PTPRT: variants seen among roughly 807,000 people sequenced by gnomAD.
PTPRT encodes receptor-type tyrosine-protein phosphatase T.
PTPRT carries 56 observed loss-of-function variants against 176.8 expected under a neutral mutation model. The ratio of observed to expected loss-of-function variants is 0.32; its 90% confidence interval spans 0.26 to 0.40. The LOEUF is 0.40. Ranked by LOEUF, PTPRT falls within the 10% of genes least tolerant of loss-of-function variation. The pLI is 1.00. For synonymous variants in PTPRT, 783 were observed against 739.0 expected, an observed-to-expected ratio of 1.06 and a Z score of -0.96; for missense variants, 1,540 against 1,908.2, an observed-to-expected ratio of 0.81 and a Z score of 3.60.
chr20:42,829,180 G>C (rs2078047476), intron 2 of PTPRT, among the ~76,000 whole-genome samples: 1 of 151,944 alleles, frequency 6.6e-6, no homozygotes, highest in Non-Finnish European at 1.5e-5. Context: ...TTATTTTGGA[G>C]CTTTAAGATT....
At chr20:42,176,846 A>G (rs1403320371) in intron 16 of PTPRT, among the ~76,000 whole-genome samples, 1 of 152,244 alleles carries the variant, frequency 6.6e-6, no homozygotes, top group Non-Finnish European at 1.5e-5. Flanking sequence ...TGAAATTTAA[A>G]TGTGCAACAG....
At chr20:42,090,803 C>A (rs1984536171) in intron 27 of PTPRT, among the ~76,000 whole-genome samples, 1 of 152,204 alleles carries the variant, frequency 6.6e-6, no homozygotes, top group Non-Finnish European at 1.5e-5. Context: ...GACCTAAAGG[C>A]CACACTTACC....
At chr20:42,485,547 G>A (rs140821822) in intron 7 of PTPRT, among the ~76,000 whole-genome samples, 184 of 152,272 alleles carry the variant, frequency 1.2e-3, no homozygotes, top group Middle Eastern at 3.4e-3. Context: ...ACAAACAAAA[G>A]TAATATCTCC....
At chr20:42,717,377 T>G (rs967111405) in intron 6 of PTPRT, among the ~76,000 whole-genome samples, 1 of 152,048 alleles carries the variant, frequency 6.6e-6, no homozygotes, top group Non-Finnish European at 1.5e-5. Flanking sequence ...ACACCTGATA[T>G]ATTATAAAGG....
At chr20:42,903,252 A>G (rs1439392139) in intron 1 of PTPRT, among the ~76,000 whole-genome samples, 2 of 152,228 alleles carry the variant, frequency 1.3e-5, no homozygotes, top group Non-Finnish European at 2.9e-5. Flanking sequence ...TTTTAAAGAT[A>G]AATAAACTGA....
At chr20:42,514,124 G>T (rs192728025) in intron 7 of PTPRT, among the ~76,000 whole-genome samples, 41 of 152,166 alleles carry the variant, frequency 2.7e-4, no homozygotes, top group Admixed American at 2.3e-3. Flanking sequence ...GATAAACATG[G>T]GTTTATTTAG....
At chr20:42,814,348 G>A (rs1281075469) in intron 2 of PTPRT, among the ~76,000 whole-genome samples, 2 of 152,028 alleles carry the variant, frequency 1.3e-5, no homozygotes, top group African/African-American at 2.4e-5. Context: ...TGATCTTAAC[G>A]CAAATATCTG....
chr20:42,427,398 T>A (rs1021696287), intron 9 of PTPRT, among the ~76,000 whole-genome samples: 1 of 152,202 alleles, frequency 6.6e-6, no homozygotes, highest in African/African-American at 2.4e-5. Context: ...TACCACAGAC[T>A]GGGTAACTTA....
In PTPRT at chr20:42,706,164, T is replaced by C. The variant is rs2076052526; in HGVS notation, c.860-28005A>G. Among the ~76,000 whole-genome samples the C allele has an allele frequency of 1.4e-5, 2 of 138,352 alleles. 1 individual carries two copies. Among genetic ancestry groups the C allele is most frequent in the South Asian group, 4.5e-4 (2 of 4,444 alleles). 90.8% of individuals were successfully genotyped at this position (138,352 alleles called of 152,430 possible). A position where few individuals can be genotyped will look rare whatever the true frequency, so the allele number is the denominator to read the frequency against. On this transcript the variant is annotated intron_variant, in intron 6 of 30. Transcript: ENST00000373187. Reference sequence around the variant, plus strand: ...GTCTCTCTTTGTCTCTCTTTATCTCTCTCTCTCTCTCTGTTTGTGTGTGTG... The same window carrying C: ...GTCTCTCTTTGTCTCTCTTTATCTCCCTCTCTCTCTCTGTTTGTGTGTGTG...
chr20:42,883,503 G>C (rs2079037235), intron 2 of PTPRT, among the ~76,000 whole-genome samples: 1 of 151,984 alleles, frequency 6.6e-6, no homozygotes, highest in Admixed American at 6.6e-5. Context: ...GACAGGGAAG[G>C]GGAAATGGGT....
chr20:42,682,088 A>G (rs1044089286), intron 6 of PTPRT, among the ~76,000 whole-genome samples: 1 of 152,178 alleles, frequency 6.6e-6, no homozygotes, highest in African/African-American at 2.4e-5. Flanking sequence ...TTCTCTATAT[A>G]TTGATTTGGG....
intron 6 of PTPRT, among the ~76,000 whole-genome samples, chr20:42,714,199 G>C (rs1030448592): frequency 2.0e-5 from 3 of 152,150 alleles, no homozygotes; most frequent in African/African-American, 7.2e-5. Context: ...CTTCCTTCCA[G>C]CTTTATGTTT....
chr20:42,929,886 A>C (rs1166784901), intron 1 of PTPRT, among the ~76,000 whole-genome samples: 1 of 152,236 alleles, frequency 6.6e-6, no homozygotes, highest in African/African-American at 2.4e-5. Context: ...CAATTTATTA[A>C]GTACTTGAAA....
At chr20:42,770,268 A>G (rs2145457623) in intron 5 of PTPRT, among the ~76,000 whole-genome samples, 1 of 152,188 alleles carries the variant, frequency 6.6e-6, no homozygotes, top group East Asian at 1.9e-4. Context: ...GATTACAGGC[A>G]CTCGCCACCA....
intron 12 of PTPRT, among the ~76,000 whole-genome samples, chr20:42,308,165 C>CA (rs2057573135): frequency 6.6e-6 from 1 of 151,930 alleles, no homozygotes; most frequent in Admixed American, 6.6e-5. Context: ...GAAATAACCA[C>CA]AAAAATGGCC....
chr20:43,186,090 A>G (rs1198715286), intron 1 of PTPRT, among the ~76,000 whole-genome samples: 1 of 152,196 alleles, frequency 6.6e-6, no homozygotes, highest in Non-Finnish European at 1.5e-5. Flanking sequence ...CAAAGTGCCT[A>G]TTATGTACCA....
At chr20:42,530,457 T>A (rs2072361793) in intron 7 of PTPRT, among the ~76,000 whole-genome samples, 1 of 152,184 alleles carries the variant, frequency 6.6e-6, no homozygotes, top group Non-Finnish European at 1.5e-5. Flanking sequence ...GGGGGAGGTA[T>A]AAACTGCTGC....
At chr20:42,644,315 C>G (rs2074836638) in intron 7 of PTPRT, among the ~76,000 whole-genome samples, 2 of 152,248 alleles carry the variant, frequency 1.3e-5, no homozygotes, top group South Asian at 4.1e-4. Flanking sequence ...ACATGTCACT[C>G]TCTGCTTAAA....
At chr20:42,965,841 A>C (rs1200867694) in intron 1 of PTPRT, among the ~76,000 whole-genome samples, 1 of 152,228 alleles carries the variant, frequency 6.6e-6, no homozygotes, top group African/African-American at 2.4e-5. Context: ...AGGGATCCTG[A>C]AAAAGCAATC....
Sources: gnomAD v4.1 joint callset for allele counts (sites outside exome capture counted in the v4.1 genomes callset) on GRCh38, gnomAD v4.1.1 for gene constraint, MANE v1.5 for transcripts, NCBI Gene and HGNC (gene_info 2026-07-23, HGNC 2026-07-21) for gene names.